RTL4: variants seen among roughly 807,000 people sequenced by gnomAD.
RTL4 encodes the protein retrotransposon Gag-like protein 4.
A neutral mutation model predicts 5.3 loss-of-function variants in RTL4; 4 were observed. The observed-to-expected ratio is 0.75, with a 90% CI of 0.37 to 1.72. The LOEUF (loss-of-function observed/expected upper bound fraction) is 1.72. Among genes scored for constraint, RTL4 ranks in the 40% most tolerant of loss-of-function variants. RTL4 has a pLI of 0.04. For synonymous variants in RTL4, 98 were observed against 87.3 expected, an observed-to-expected ratio of 1.12 and a Z score of -0.68; for missense variants, 260 against 227.1, an observed-to-expected ratio of 1.14 and a Z score of -0.93.
the RTL4 span, among the ~76,000 whole-genome samples, chrX:112,357,243 C>CAAAAAAAAAAAAAA: frequency 3.0e-5 from 3 of 100,954 alleles, no homozygotes; most frequent in African/African-American, 1.1e-4. Flanking sequence ...ACTACTTCAC[C>CAAAAAAAAAAAAAA]AAAAAAAAAA....
chrX:112,116,494 C>T, the RTL4 span, among the ~76,000 whole-genome samples: 2 of 111,514 alleles, frequency 1.8e-5, no homozygotes, highest in East Asian at 5.7e-4. Context: ...CTTTTATTCC[C>T]TTATTTGTCC....
the RTL4 span, among the ~76,000 whole-genome samples, chrX:112,405,522 C>CGA: frequency 2.2e-3 from 251 of 112,266 alleles, no homozygotes; most frequent in Middle Eastern, 4.6e-3. Flanking sequence ...GCTTGCTTCT[C>CGA]TTTCCAGGAC....
the RTL4 span, among the ~76,000 whole-genome samples, chrX:112,435,646 G>T: frequency 8.9e-6 from 1 of 111,931 alleles, no homozygotes; most frequent in Non-Finnish European, 1.9e-5. Context: ...AAAGTGGAAA[G>T]TTCAGAAGGT....
At chrX:112,263,396 A>C in the RTL4 span, among the ~76,000 whole-genome samples, 2 of 110,714 alleles carry the variant, frequency 1.8e-5, no homozygotes, top group Non-Finnish European at 3.8e-5. Flanking sequence ...AAAGGGCCAG[A>C]AAATGAGAGA....
chrX:112,420,382 A>G, the RTL4 span, among the ~76,000 whole-genome samples: 1 of 111,305 alleles, frequency 9.0e-6, no homozygotes, highest in Non-Finnish European at 1.9e-5. Context: ...GAGATGTTTT[A>G]CTATAAAAGA....
chrX:112,457,310 C>G (rs182945925), downstream of RTL4, among the ~76,000 whole-genome samples: 4 of 112,025 alleles, frequency 3.6e-5, no homozygotes, highest in African/African-American at 1.3e-4. Context: ...AACAACGGCT[C>G]GCTGCACAAC....
the RTL4 span, among the ~76,000 whole-genome samples, chrX:112,428,671 G>A: frequency 2.7e-5 from 3 of 111,581 alleles, no homozygotes; most frequent in Admixed American, 9.5e-5. Flanking sequence ...GTATAGAGTC[G>A]TTTGATGGTG....
the RTL4 span, among the ~76,000 whole-genome samples, chrX:112,118,801 G>T: frequency 1.8e-5 from 2 of 111,735 alleles, no homozygotes; most frequent in Non-Finnish European, 3.8e-5. Context: ...TTAAAACTTA[G>T]TTTCTTTTTT....
chrX:112,342,593 C>T, the RTL4 span, among the ~76,000 whole-genome samples: 2 of 111,442 alleles, frequency 1.8e-5, no homozygotes, highest in South Asian at 3.8e-4. Context: ...ACATGATTGT[C>T]ATCATCAGCT....
the RTL4 span, among the ~76,000 whole-genome samples, chrX:112,158,834 A>G: frequency 9.0e-6 from 1 of 111,719 alleles, no homozygotes; most frequent in Non-Finnish European, 1.9e-5. Context: ...ATCAATTCCT[A>G]GAAGCAAAAA....
chrX:112,359,149 A>AT, the RTL4 span, among the ~76,000 whole-genome samples: 1 of 111,063 alleles, frequency 9.0e-6, no homozygotes, highest in Non-Finnish European at 1.9e-5. Flanking sequence ...TACATTAACA[A>AT]TTTTCTGTGG....
the RTL4 span, among the ~76,000 whole-genome samples, chrX:112,423,789 A>G: frequency 2.0e-4 from 22 of 111,961 alleles, no homozygotes; most frequent in South Asian, 7.7e-3. Flanking sequence ...TGAAAAATAT[A>G]CTATGTGGTT....
chrX:112,155,141 G>A, the RTL4 span, among the ~76,000 whole-genome samples: 1 of 110,248 alleles, frequency 9.1e-6, no homozygotes, highest in Non-Finnish European at 1.9e-5. Flanking sequence ...CTCCAGAACT[G>A]AGAAATAAAT....
At chrX:112,217,254 G>C in the RTL4 span, among the ~76,000 whole-genome samples, 1 of 111,678 alleles carries the variant, frequency 9.0e-6, no homozygotes, top group Non-Finnish European at 1.9e-5. Context: ...AGTGTCCTGA[G>C]TGTTCTAAAA....
chrX:112,347,249 A>G, the RTL4 span, among the ~76,000 whole-genome samples: 3 of 111,664 alleles, frequency 2.7e-5, no homozygotes, highest in East Asian at 2.8e-4. Context: ...TTTTTCTTCT[A>G]CAAATACCAT....
At chrX:112,184,765 T>C in the RTL4 span, among the ~76,000 whole-genome samples, 3 of 112,110 alleles carry the variant, frequency 2.7e-5, no homozygotes, top group Non-Finnish European at 5.6e-5. Context: ...GAGATCTTGG[T>C]AAGAAAAATG....
chrX:112,178,759 A>G, the RTL4 span, among the ~76,000 whole-genome samples: 23 of 111,310 alleles, frequency 2.1e-4, no homozygotes, highest in South Asian at 3.8e-3. Flanking sequence ...ATCACATCAT[A>G]TATGCCAGGG....
At chrX:112,204,875 G>A in the RTL4 span, among the ~76,000 whole-genome samples, 15 of 111,369 alleles carry the variant, frequency 1.3e-4, no homozygotes, top group Non-Finnish European at 2.8e-4. Context: ...TCTTCATGAT[G>A]TGCTTATTTT....
the RTL4 span, among the ~76,000 whole-genome samples, chrX:112,317,289 C>G: frequency 1.8e-5 from 2 of 111,451 alleles, no homozygotes; most frequent in Non-Finnish European, 3.8e-5. Context: ...TGCAGTGAGC[C>G]GAGATGGCGC....
Sources: gnomAD v4.1 joint callset for allele counts (sites outside exome capture counted in the v4.1 genomes callset) on GRCh38, gnomAD v4.1.1 for gene constraint, MANE v1.5 for transcripts, NCBI Gene and HGNC (gene_info 2026-07-23, HGNC 2026-07-21) for gene names.